Variants in SEMA6D observed in about 807,000 individuals in gnomAD.
SEMA6D encodes semaphorin 6D.
A neutral mutation model predicts 106.6 loss-of-function variants in SEMA6D; 35 were observed. The observed-to-expected ratio is 0.33, with a 90% CI of 0.25 to 0.44. The LOEUF (loss-of-function observed/expected upper bound fraction) is 0.44. SEMA6D is among the 20% of genes least tolerant of loss of function. The pLI is 1.00. For synonymous variants in SEMA6D, 499 were observed against 487.7 expected (o/e 1.02, Z -0.31); for missense variants, 1,185 against 1,345.9 (o/e 0.88, Z 1.87).
chr15:47,759,794 C>T lies in SEMA6D; in HGVS notation c.-5C>T. The T allele has an allele frequency of 6.2e-7, 1 of 1,612,466 alleles. No homozygotes were observed. Among genetic ancestry groups the T allele is most frequent in the African/African-American group, 1.3e-5 (1 of 74,990 alleles). ...GGGGCCACCCTGACTTCACCTTGGC[C>T]CACCATGAGGGTCTTCCTGCTTTGT... On this transcript the variant is annotated 5_prime_UTR_variant, in exon 2 of 19. Coordinates refer to ENST00000536845, the MANE Select transcript of SEMA6D (RefSeq NM_001358351.3).
intron 1 of SEMA6D, among the ~76,000 whole-genome samples, chr15:47,298,987 G>C (rs545709891): frequency 9.1e-4 from 138 of 152,224 alleles, no homozygotes; most frequent in African/African-American, 3.3e-3. Context: ...GTAAAACTGA[G>C]TATCAGTAAG....
chr15:47,451,827 A>C lies in SEMA6D; in HGVS notation c.-158-18647A>C, dbSNP rs146929696. ...GATTGACTGAGGAAAAGCTGGGGGGAATATTTGCAGGCAATGGACATGCTG... is the reference window on the plus strand; with the variant it reads ...GATTGACTGAGGAAAAGCTGGGGGGCATATTTGCAGGCAATGGACATGCTG... On this transcript the variant is annotated intron_variant, in intron 2 of 19. Coordinates refer to the SEMA6D transcript ENST00000558014. 2.3e-3 allele frequency among the ~76,000 whole-genome samples: 357 copies of C among 152,024 alleles called. 1 individual carries two copies. The highest frequency in any genetic ancestry group is 3.8e-3 in the Non-Finnish European group (258 of 67,930).
chr15:47,410,226 C>T (rs901906788), intron 1 of SEMA6D, among the ~76,000 whole-genome samples: 2 of 152,096 alleles, frequency 1.3e-5, no homozygotes, highest in African/African-American at 2.4e-5. Context: ...TCAAGGGATC[C>T]GCTTGCCTTG....
intron 1 of SEMA6D, among the ~76,000 whole-genome samples, chr15:47,278,085 G>T (rs999679918): frequency 1.3e-4 from 20 of 151,384 alleles, no homozygotes; most frequent in Admixed American, 7.2e-4. Context: ...GTGTGCATGT[G>T]TCTTTATAGC....
intron 3 of SEMA6D, among the ~76,000 whole-genome samples, chr15:47,583,579 C>T (rs1360588735): frequency 7.2e-5 from 11 of 152,084 alleles, no homozygotes; most frequent in African/African-American, 2.7e-4. Flanking sequence ...TAGACATGGC[C>T]CTCTTTTAAA....
intron 1 of SEMA6D, among the ~76,000 whole-genome samples, chr15:47,379,747 T>A (rs575197906): frequency 7.9e-5 from 12 of 152,322 alleles, no homozygotes; most frequent in African/African-American, 2.4e-4. Flanking sequence ...TTTATTTTTT[T>A]AATTTTAATT....
chr15:47,762,406 C>G (rs902551858), intron 8 of SEMA6D, 87 bp downstream of exon 8: 8 of 1,447,578 alleles, frequency 5.5e-6, no homozygotes, highest in Non-Finnish European at 7.6e-6. Context: ...AGAGGTTCAG[C>G]GCATGACTTT....
In SEMA6D at chr15:47,408,466, T is replaced by C. The variant is rs114972774; in HGVS notation, c.-238-3927T>C. Among the ~76,000 whole-genome samples, 841 of 152,338 alleles carry C rather than the reference T, an allele frequency of 5.5e-3. 8 individuals are homozygous for C. The highest frequency in any genetic ancestry group is 0.02 in the African/African-American group (811 of 41,586). On this transcript the variant is annotated intron_variant, in intron 1 of 19. Transcript: ENST00000558014. Reference sequence around the variant, plus strand: ...ACTCTGACTTCCTTCTATATCACACTATCCTTATCTATAAAAAAGGGTAAA... The same window carrying C: ...ACTCTGACTTCCTTCTATATCACACCATCCTTATCTATAAAAAAGGGTAAA...
Position 47,770,925 on chromosome 15 carries a change from A to T in SEMA6D, c.2362A>T (p.Met788Leu). 6.2e-7 allele frequency: 1 copy of T among 1,614,108 alleles called. No individual in the cohort carries two copies. Among genetic ancestry groups the T allele is most frequent in the Non-Finnish European group, 8.5e-7 (1 of 1,180,004 alleles). ...PVLHQKTLQA[M>L]KSHSEKAHGH... ...GCTTCACCAGAAGACCCTGCAGGCC[A>T]TGAAGAGCCACTCAGAAAAGGCCCA... is the stretch of plus-strand genomic sequence containing the variant. The change falls in exon 19 of 19, where the codon ATG (methionine) becomes TTG (leucine). Residue 788 changes from methionine (M) to leucine (L), a missense_variant. Around this residue, in one of 3 missense-constraint regions of SEMA6D, gnomAD observed 750 missense variants for 783.5 expected, o/e 0.96. Coordinates refer to ENST00000536845, the MANE Select transcript of SEMA6D (RefSeq NM_001358351.3).
At chr15:47,429,287 G>A (rs1262710159) in intron 2 of SEMA6D, among the ~76,000 whole-genome samples, 3 of 152,094 alleles carry the variant, frequency 2.0e-5, no homozygotes, top group African/African-American at 4.8e-5. Context: ...TAAATTTTCC[G>A]AGTCCTCTTA....
chr15:47,667,204 A>G (rs1208628220), intron 4 of SEMA6D, among the ~76,000 whole-genome samples: 1 of 152,236 alleles, frequency 6.6e-6, no homozygotes, highest in African/African-American at 2.4e-5. Context: ...ATTTTACACC[A>G]TTAAATTCTG....
intron 2 of SEMA6D, among the ~76,000 whole-genome samples, chr15:47,462,550 G>A (rs996941952): frequency 1.4e-4 from 21 of 151,948 alleles, no homozygotes; most frequent in African/African-American, 4.6e-4. Flanking sequence ...GGACATAAAC[G>A]TATTTCTTGT....
intron 3 of SEMA6D, among the ~76,000 whole-genome samples, chr15:47,478,270 TG>T (rs1389314990): frequency 6.6e-6 from 1 of 152,158 alleles, no homozygotes; most frequent in Non-Finnish European, 1.5e-5. Flanking sequence ...TTTGACTGCA[TG>T]TGAAAGCCTT....
chr15:47,506,069 G>A (rs1411386026), intron 3 of SEMA6D, among the ~76,000 whole-genome samples: 1 of 152,118 alleles, frequency 6.6e-6, no homozygotes, highest in African/African-American at 2.4e-5. Context: ...GAATCTAAAG[G>A]GGAGTGGGAG....
chr15:47,185,198 T>TG (rs1393937172), intron 1 of SEMA6D, among the ~76,000 whole-genome samples: 3 of 151,668 alleles, frequency 2.0e-5, no homozygotes, highest in African/African-American at 7.3e-5. Context: ...CTTGGAGGAG[T>TG]GGGGGTCAAG....
intron 2 of SEMA6D, among the ~76,000 whole-genome samples, chr15:47,443,115 A>G (rs1226563446): frequency 1.3e-5 from 2 of 152,156 alleles, no homozygotes; most frequent in Non-Finnish European, 2.9e-5. Flanking sequence ...GATTTCTATC[A>G]CATGGAATGT....
chr15:47,285,424 AGTTT>A (rs749555899), intron 1 of SEMA6D, among the ~76,000 whole-genome samples: 2 of 152,014 alleles, frequency 1.3e-5, no homozygotes, highest in African/African-American at 4.8e-5. Context: ...AGGAGTTCAC[AGTTT>A]GTTTGTTTTT....
intron 1 of SEMA6D, among the ~76,000 whole-genome samples, chr15:47,724,877 C>T (rs1355075690): frequency 6.6e-6 from 1 of 152,168 alleles, no homozygotes; most frequent in Non-Finnish European, 1.5e-5. Flanking sequence ...GACTAAAACC[C>T]GCACATCAGC....
intron 1 of SEMA6D, among the ~76,000 whole-genome samples, chr15:47,306,089 C>G (rs1402413700): frequency 6.6e-6 from 1 of 152,056 alleles, no homozygotes; most frequent in Non-Finnish European, 1.5e-5. Context: ...TCAAGTGATT[C>G]TCCTGTCTCA....
Sources: allele counts gnomAD v4.1 joint callset (sites outside exome capture counted in the v4.1 genomes callset), GRCh38; gene constraint gnomAD v4.1.1; regional missense constraint gnomAD v4.1.1; transcripts MANE v1.5; gene names NCBI Gene and HGNC (gene_info 2026-07-23, HGNC 2026-07-21).